KHDRBS2: variants seen among roughly 807,000 people sequenced by gnomAD.
The protein encoded by KHDRBS2 is KH domain-containing, RNA-binding, signal transduction-associated protein 2.
Under a neutral mutation model 44.3 loss-of-function variants are expected in KHDRBS2, and 26 were observed. The ratio of observed to expected loss-of-function variants is 0.59; its 90% CI spans 0.43 to 0.81. The LOEUF (loss-of-function observed/expected upper bound fraction) is 0.81. Ranked by LOEUF, KHDRBS2 falls within the 40% of genes least tolerant of loss-of-function variation. The pLI is 0.00. For synonymous variants in KHDRBS2, 194 were observed against 151.1 expected (o/e 1.28, Z -2.08); for missense variants, 476 against 433.1 (o/e 1.10, Z -0.88).
chr6:61,928,296 T>A (rs1809354059), intron 4 of KHDRBS2, among the ~76,000 whole-genome samples: 1 of 152,134 alleles, frequency 6.6e-6, no homozygotes, highest in South Asian at 2.1e-4. Flanking sequence ...ACTTATTTGG[T>A]GTAAACTGCT....
At chr6:61,685,917 T>A (rs1236339445) in intron 8 of KHDRBS2, among the ~76,000 whole-genome samples, 1 of 151,702 alleles carries the variant, frequency 6.6e-6, no homozygotes, top group East Asian at 1.9e-4. Flanking sequence ...GGGAAAAACA[T>A]GAAGCATAGG....
At chr6:62,067,479 G>C (rs1442752853) in intron 2 of KHDRBS2, among the ~76,000 whole-genome samples, 1 of 151,418 alleles carries the variant, frequency 6.6e-6, no homozygotes, top group Non-Finnish European at 1.5e-5. Context: ...TGTACTGAGT[G>C]TACATTCAGT....
intron 3 of KHDRBS2, among the ~76,000 whole-genome samples, chr6:62,015,337 C>CTA (rs1422216307): frequency 2.6e-5 from 4 of 152,096 alleles, no homozygotes; most frequent in Admixed American, 6.6e-5. Flanking sequence ...TTTGAAAGAG[C>CTA]TAGAGCCCAG....
At chr6:61,926,928 G>GA (rs1809090987) in intron 4 of KHDRBS2, among the ~76,000 whole-genome samples, 1 of 151,602 alleles carries the variant, frequency 6.6e-6, no homozygotes, top group African/African-American at 2.4e-5. Flanking sequence ...TGTGCAAAAT[G>GA]AAAAACTTTG....
At chr6:62,118,830 G>A (rs568111165) in intron 2 of KHDRBS2, among the ~76,000 whole-genome samples, 26 of 152,278 alleles carry the variant, frequency 1.7e-4, no homozygotes, top group African/African-American at 6.0e-4. Context: ...AATTTTCCAG[G>A]GGCTATGAGG....
intron 1 of KHDRBS2, among the ~76,000 whole-genome samples, chr6:62,214,515 T>C (rs932210346): frequency 6.8e-6 from 1 of 147,408 alleles, no homozygotes; most frequent in African/African-American, 2.4e-5. Flanking sequence ...CTCCCACAGA[T>C]AACAAAAGTA....
intron 1 of KHDRBS2, among the ~76,000 whole-genome samples, chr6:62,255,655 C>A (rs1011214906): frequency 5.6e-5 from 7 of 124,886 alleles, no homozygotes; most frequent in Non-Finnish European, 1.2e-4. Context: ...CACACACACA[C>A]AATGTAGAAA....
intron 6 of KHDRBS2, among the ~76,000 whole-genome samples, chr6:61,829,821 C>G (rs547248538): frequency 5.9e-5 from 9 of 152,248 alleles, no homozygotes; most frequent in African/African-American, 1.7e-4. Flanking sequence ...GACCCATAGT[C>G]TGGGACCCAG....
chr6:61,677,053 G>A (rs1765985604), downstream of KHDRBS2, among the ~76,000 whole-genome samples: 1 of 151,812 alleles, frequency 6.6e-6, no homozygotes, highest in Admixed American at 6.6e-5. Flanking sequence ...TAAAAATAAT[G>A]TTCTCTTTTC....
At chr6:61,588,727 G>A in the KHDRBS2 span, among the ~76,000 whole-genome samples, 26 of 152,040 alleles carry the variant, frequency 1.7e-4, no homozygotes, top group Non-Finnish European at 3.4e-4. Flanking sequence ...GGGAGGTCAC[G>A]GTTGCAGTGA....
the KHDRBS2 span, among the ~76,000 whole-genome samples, chr6:61,617,739 C>T: frequency 6.6e-6 from 1 of 151,976 alleles, no homozygotes; most frequent in South Asian, 2.1e-4. Context: ...CAAATGAATG[C>T]TAATAGCTTA....
At chr6:61,822,827 A>T (rs1790159580) in intron 6 of KHDRBS2, among the ~76,000 whole-genome samples, 1 of 151,964 alleles carries the variant, frequency 6.6e-6, no homozygotes, top group Non-Finnish European at 1.5e-5. Flanking sequence ...ACTCTCTCAC[A>T]TCCCCTCAGA....
At chr6:62,225,364 T>C (rs1204245432) in intron 1 of KHDRBS2, among the ~76,000 whole-genome samples, 1 of 152,198 alleles carries the variant, frequency 6.6e-6, no homozygotes, top group Non-Finnish European at 1.5e-5. Flanking sequence ...AATTGGGATA[T>C]ACTTATTCTC....
chr6:61,549,457 A>G, the KHDRBS2 span, among the ~76,000 whole-genome samples: 1 of 152,212 alleles, frequency 6.6e-6, no homozygotes, highest in Admixed American at 6.5e-5. Flanking sequence ...CTTATGAATA[A>G]CAGCAATAAG....
intron 6 of KHDRBS2, among the ~76,000 whole-genome samples, chr6:61,893,860 G>T (rs887869997): frequency 4.0e-5 from 6 of 151,732 alleles, no homozygotes; most frequent in African/African-American, 1.5e-4. Context: ...TAACAAACCT[G>T]CACGTTGTGC....
intron 6 of KHDRBS2, among the ~76,000 whole-genome samples, chr6:61,862,327 C>A (rs1265665771): frequency 2.0e-5 from 3 of 152,052 alleles, no homozygotes; most frequent in Non-Finnish European, 2.9e-5. Flanking sequence ...TCTTGCCTCA[C>A]TTCCCTGGCC....
intron 6 of KHDRBS2, among the ~76,000 whole-genome samples, chr6:61,794,066 A>C (rs576904324): frequency 1.3e-5 from 2 of 152,350 alleles, no homozygotes; most frequent in African/African-American, 4.8e-5. Context: ...AATATATAGA[A>C]TGCTAAAACA....
chr6:61,712,994 C>T (rs779112114), intron 7 of KHDRBS2, among the ~76,000 whole-genome samples: 8 of 151,390 alleles, frequency 5.3e-5, no homozygotes, highest in Non-Finnish European at 1.5e-5. Flanking sequence ...AAATTCTGAC[C>T]TAAAGTGATA....
chr6:61,588,883 G>A, the KHDRBS2 span, among the ~76,000 whole-genome samples: 601 of 152,174 alleles, frequency 3.9e-3, 1 homozygote, highest in African/African-American at 0.014. Context: ...ATACAACGCA[G>A]CCATAAAAAT....
Sources: gnomAD v4.1 joint callset for allele counts (sites outside exome capture counted in the v4.1 genomes callset) on GRCh38, gnomAD v4.1.1 for gene constraint, MANE v1.5 for transcripts, NCBI Gene and HGNC (gene_info 2026-07-23, HGNC 2026-07-21) for gene names.